Variants in MYO6 observed in about 807,000 individuals in gnomAD.
The protein encoded by MYO6 is myosin VI, also known as unconventional myosin-VI.
Under a neutral mutation model 178.7 loss-of-function variants are expected in MYO6, and 74 were observed. The observed-to-expected ratio is 0.41, with a 90% CI of 0.34 to 0.50. The LOEUF is 0.50. Among genes scored for constraint, MYO6 ranks in the 20% least tolerant of loss-of-function variants. MYO6 has a pLI of 0.09. For missense variants in MYO6, 1,330 were observed against 1,547.4 expected (o/e 0.86, Z 2.36); for synonymous variants, 477 against 504.6 (o/e 0.95, Z 0.73).
At chr6:75,820,116 G>A (rs1227363499) in intron 2 of MYO6, among the ~76,000 whole-genome samples, 1 of 152,192 alleles carries the variant, frequency 6.6e-6, no homozygotes, top group Non-Finnish European at 1.5e-5. Context: ...GTAAGAAGCC[G>A]CTCTGAAGCC....
chr6:75,869,910 G>A (rs1776997490), intron 18 of MYO6, among the ~76,000 whole-genome samples: 1 of 151,370 alleles, frequency 6.6e-6, no homozygotes, highest in African/African-American at 2.4e-5. Context: ...TCAGGAGATC[G>A]AGACCATCCT....
chr6:75,845,218 A>G (rs1428429063), intron 10 of MYO6, among the ~76,000 whole-genome samples: 1 of 152,128 alleles, frequency 6.6e-6, no homozygotes, highest in Non-Finnish European at 1.5e-5. Context: ...CTCTCCTCTC[A>G]TTCTGTTTTC....
intron 28 of MYO6, among the ~76,000 whole-genome samples, chr6:75,893,438 A>G (rs113588872): frequency 0.019 from 2,901 of 152,304 alleles, 40 homozygotes; most frequent in Non-Finnish European, 0.03. Flanking sequence ...ACTGAGAGGC[A>G]CATAGACACA....
chr6:75,757,022 CACACATATATAGT>C (rs1777463836), intron 1 of MYO6, among the ~76,000 whole-genome samples: 1 of 38,956 alleles, frequency 2.6e-5, no homozygotes, highest in Non-Finnish European at 6.6e-5. Context: ...TATATGTATA[CACACATATATAGT>C]GTGTATATAT....
intron 5 of MYO6, among the ~76,000 whole-genome samples, chr6:75,832,026 A>G (rs1773150833): frequency 6.6e-6 from 1 of 152,218 alleles, no homozygotes; most frequent in African/African-American, 2.4e-5. Context: ...GAGGTGAGAA[A>G]TAGTTGTCTT....
At chr6:75,764,546 A>G (rs1280783433) in intron 1 of MYO6, among the ~76,000 whole-genome samples, 1 of 151,702 alleles carries the variant, frequency 6.6e-6, no homozygotes, top group Non-Finnish European at 1.5e-5. Context: ...ATTCTTGTCT[A>G]CTCTACCTAG....
At chr6:75,760,928 G>T (rs990934335) in intron 1 of MYO6, among the ~76,000 whole-genome samples, 4 of 152,104 alleles carry the variant, frequency 2.6e-5, no homozygotes, top group Admixed American at 2.6e-4. Flanking sequence ...ATTCCAGAGA[G>T]AACTTTTCTC....
chr6:75,883,554 A>T (rs1055427710), intron 23 of MYO6, among the ~76,000 whole-genome samples: 1 of 152,008 alleles, frequency 6.6e-6, no homozygotes, highest in Non-Finnish European at 1.5e-5. Flanking sequence ...ATCTTTTGGG[A>T]TTTCAACATT....
At position 75,916,676 on chromosome 6, in the gene MYO6, A is replaced by C. The variant is rs1360956391; in HGVS notation, c.*1664A>C. 1 of 152,510 alleles carries C rather than the reference A, an allele frequency of 6.6e-6. No individual in the cohort carries two copies. Among genetic ancestry groups the C allele is most frequent in the Non-Finnish European group, 1.5e-5 (1 of 68,008 alleles). 9.4% of individuals were successfully genotyped at this position (152,510 alleles called of 1,614,324 possible). A position where few individuals can be genotyped will look rare whatever the true frequency, so the allele number is the denominator to read the frequency against. On this transcript the variant is annotated 3_prime_UTR_variant, in exon 35 of 35. Coordinates refer to ENST00000369977, the MANE Select transcript of MYO6 (RefSeq NM_004999.4). ...TAGTGAATGATAAGCTTTTTTCCTA[A>C]CCAGTAGTGAGTAAAGTTCTTGAAC...
rs1186540017 is a variant in MYO6, at chr6:75,914,856, T to C, written c.3702T>C (p.Thr1234=). The C allele has an allele frequency of 2.5e-6, 4 of 1,614,072 alleles. No individual in the cohort carries two copies. The highest frequency in any genetic ancestry group is 3.4e-6 in the Non-Finnish European group (4 of 1,180,028). ...TGTGTGAGCTGAATCTTGAGGAGACTGGCCTGACTCGGAAGCGTGGTGCTG... is the reference window on the plus strand; with the variant it reads ...TGTGTGAGCTGAATCTTGAGGAGACCGGCCTGACTCGGAAGCGTGGTGCTG... The part of the protein sequence containing the change: ...MEMCELNLEE[T]GLTRKRGAEI... Residue 1234 remains threonine (T), a synonymous_variant, in exon 35 of 35, where the codon ACT becomes ACC. Transcript: ENST00000369977.
At chr6:75,867,172 T>G (rs1776771070) in intron 18 of MYO6, 67 bp downstream of exon 18, 9 of 1,294,906 alleles carry the variant, frequency 7.0e-6, no homozygotes. Flanking sequence ...TATTCTAAAA[T>G]GGATAATGTA....
At chr6:75,801,302 C>T (rs1769425537) in intron 1 of MYO6, among the ~76,000 whole-genome samples, 1 of 147,828 alleles carries the variant, frequency 6.8e-6, no homozygotes, top group African/African-American at 2.5e-5. Context: ...AAGAGAAGAG[C>T]GGGGAGAGGA....
intron 1 of MYO6, among the ~76,000 whole-genome samples, chr6:75,757,004 AG>A (rs1419221334): frequency 7.6e-5 from 10 of 132,042 alleles, no homozygotes; most frequent in African/African-American, 2.8e-4. Context: ...ACACATATAT[AG>A]TGTGTATATA....
chr6:75,786,345 T>C (rs1481092530), intron 1 of MYO6, among the ~76,000 whole-genome samples: 1 of 152,220 alleles, frequency 6.6e-6, no homozygotes, highest in East Asian at 1.9e-4. Context: ...CTAGGTCTTC[T>C]TGAAGAATGT....
chr6:75,794,201 G>T (rs566380266), intron 1 of MYO6, among the ~76,000 whole-genome samples: 1 of 152,204 alleles, frequency 6.6e-6, no homozygotes, highest in Admixed American at 6.5e-5. Context: ...TATAGAAGGA[G>T]AACATTAAAT....
chr6:75,828,495 T>G (rs1338591374), intron 3 of MYO6, 45 bp from the exon 4 acceptor site: 1 of 1,137,730 alleles, frequency 8.8e-7, no homozygotes, highest in East Asian at 2.4e-5. Context: ...TTTATTTTAT[T>G]TGTTTTCTTC....
At chr6:75,898,045 G>A (rs555179283) in intron 29 of MYO6, among the ~76,000 whole-genome samples, 1 of 152,234 alleles carries the variant, frequency 6.6e-6, no homozygotes, top group Admixed American at 6.5e-5. Flanking sequence ...ATCTTGCCAA[G>A]TTTCCTGTAT....
intron 26 of MYO6, among the ~76,000 whole-genome samples, chr6:75,890,948 G>A (rs1454130525): frequency 6.6e-6 from 1 of 152,064 alleles, no homozygotes; most frequent in Non-Finnish European, 1.5e-5. Flanking sequence ...GGGACTAGAG[G>A]GAAGCACCTT....
chr6:75,801,153 A>G (rs1337766935), intron 1 of MYO6, among the ~76,000 whole-genome samples: 3 of 152,200 alleles, frequency 2.0e-5, no homozygotes, highest in Non-Finnish European at 2.9e-5. Context: ...AGACTGGGTC[A>G]TTTATAAAGG....
Sources: allele counts gnomAD v4.1 joint callset (sites outside exome capture counted in the v4.1 genomes callset), GRCh38; gene constraint gnomAD v4.1.1; transcripts MANE v1.5; gene names NCBI Gene and HGNC (gene_info 2026-07-23, HGNC 2026-07-21).